ECT2L: variants seen among roughly 807,000 people sequenced by gnomAD.
ECT2L encodes the protein epithelial cell transforming 2 like.
Under a neutral mutation model 122.8 loss-of-function variants are expected in ECT2L, and 126 were observed. That is an observed-to-expected ratio of 1.03 (90% CI 0.89 to 1.19). The LOEUF is 1.19. ECT2L is among the 50% of genes most tolerant of loss of function. ECT2L has a pLI of 0.00. For missense variants in ECT2L, 1,012 were observed against 1,064.1 expected, an observed-to-expected ratio of 0.95 and a Z score of 0.68; for synonymous variants, 385 against 381.8, an observed-to-expected ratio of 1.01 and a Z score of -0.10.
chr6:138,844,837 G>A (rs532812694), intron 7 of ECT2L, among the ~76,000 whole-genome samples: 5 of 133,408 alleles, frequency 3.7e-5, no homozygotes, highest in Admixed American at 8.5e-5. Flanking sequence ...GCCACATTGC[G>A]CAGGCTGGTG....
In ECT2L at chr6:138,900,156, T is replaced by C. The variant is rs372523652; in HGVS notation, c.2415-792T>C. Among the ~76,000 whole-genome samples, 9 of 152,350 alleles carry C rather than the reference T, an allele frequency of 5.9e-5. No individual in the cohort carries two copies. In the South Asian group the frequency reaches 1.7e-3, roughly 28 times the overall value. On this transcript the variant is annotated intron_variant, in intron 20 of 21. Transcript: ENST00000541398. The stretch of plus-strand genomic sequence containing the variant: ...CCAATCAAAAGTAAAAATGTTTATA[T>C]TTACTTCTACATAGTTAAATGCTTT...
At chr6:138,868,266 G>A in intron 13 of ECT2L, 60 bp downstream of exon 13, 1 of 1,468,452 alleles carries the variant, frequency 6.8e-7, no homozygotes, top group Non-Finnish European at 9.4e-7. Context: ...AATTCTGTTT[G>A]CAGTTATTAT....
At chr6:138,881,266 G>A (rs1778637606) in intron 15 of ECT2L, 95 bp downstream of exon 15, 1 of 1,237,886 alleles carries the variant, frequency 8.1e-7, no homozygotes, top group Non-Finnish European at 1.1e-6. Flanking sequence ...GTGCAATGAT[G>A]CTCTGACCCT....
At chr6:138,899,363 G>A (rs901339889) in intron 20 of ECT2L, among the ~76,000 whole-genome samples, 18 of 152,148 alleles carry the variant, frequency 1.2e-4, no homozygotes, top group Non-Finnish European at 1.9e-4. Flanking sequence ...ATTGCTGATT[G>A]AGAAAAGCAA....
At chr6:138,830,592 C>T (rs540068836) in intron 4 of ECT2L, among the ~76,000 whole-genome samples, 81 of 152,274 alleles carry the variant, frequency 5.3e-4, no homozygotes, top group African/African-American at 1.8e-3. Context: ...ATAGCTGCCT[C>T]CAAAGGACTC....
At chr6:138,850,063 A>G (rs762700733) in intron 9 of ECT2L, among the ~76,000 whole-genome samples, 1 of 151,774 alleles carries the variant, frequency 6.6e-6, no homozygotes, top group Non-Finnish European at 1.5e-5. Flanking sequence ...CCTGACAACC[A>G]CCATTCGACT....
In ECT2L at chr6:138,903,232, C is replaced by G. The variant is rs1242530051; in HGVS notation, c.*605C>G. 1 of 152,294 alleles carries G rather than the reference C, an allele frequency of 6.6e-6. No homozygotes were observed. The allele number at this position is 152,294 out of a possible 1,614,324, so 9.4% of individuals were successfully genotyped here. A position where few individuals can be genotyped will look rare whatever the true frequency, so the allele number is the denominator to read the frequency against. The stretch of plus-strand genomic sequence containing the variant: ...ATTAGCCAGGCATGGTGGCACACGC[C>G]TGTAGTCCCTGCTACTTGCGACGCT... On this transcript the variant is annotated 3_prime_UTR_variant, in exon 22 of 22. Coordinates refer to ENST00000541398, the MANE Select transcript of ECT2L (RefSeq NM_001077706.3).
At chr6:138,815,315 G>C (rs568613747) in intron 4 of ECT2L, among the ~76,000 whole-genome samples, 1 of 152,208 alleles carries the variant, frequency 6.6e-6, no homozygotes, top group South Asian at 2.1e-4. Context: ...CCCGTGGCTT[G>C]TTAACCAGCC....
intron 4 of ECT2L, chr6:138,822,786 G>A (rs1776311322): frequency 1.9e-6 from 3 of 1,605,848 alleles, no homozygotes; most frequent in Non-Finnish European, 2.6e-6. Context: ...TTATTATTAT[G>A]AGGAAAATGA....
intron 6 of ECT2L, among the ~76,000 whole-genome samples, chr6:138,844,165 C>T (rs368582179): frequency 2.0e-5 from 3 of 152,144 alleles, no homozygotes; most frequent in African/African-American, 7.2e-5. Flanking sequence ...TAACTGGTCC[C>T]CACTAGAAAA....
In ECT2L at chr6:138,903,581, T is replaced by C. The variant is rs1200277550; in HGVS notation, c.*954T>C. On this transcript the variant is annotated 3_prime_UTR_variant, in exon 22 of 22. Coordinates refer to ENST00000541398, the MANE Select transcript of ECT2L (RefSeq NM_001077706.3). The stretch of plus-strand genomic sequence containing the variant: ...TTTTGACATTGTTAAATTAGAAGGC[T>C]ATTTTTAAAAAGCATATTTTAAAAA... The C allele has an allele frequency of 2.0e-5, 3 of 152,350 alleles. No individual in the cohort carries two copies. Among genetic ancestry groups the C allele is most frequent in the Non-Finnish European group, 4.4e-5 (3 of 68,024 alleles). The allele number at this position is 152,350 out of a possible 1,614,324, so 9.4% of individuals were successfully genotyped here.
rs552594959 is a variant in ECT2L, at chr6:138,890,492, C to CTTTTTTTTTTTTT, written c.2414+1477_2414+1489dup. On this transcript the variant is annotated intron_variant, in intron 20 of 21. Transcript: ENST00000541398. ...TCATGACATTTTTGTTTTCTTTGAT[C>CTTTTTTTTTTTTT]TTTTTTTTTTTTTTTTTTTTTTTTT... is the stretch of plus-strand genomic sequence containing the variant. Among the ~76,000 whole-genome samples, 245 of 78,954 alleles carry CTTTTTTTTTTTTT rather than the reference C, an allele frequency of 3.1e-3. 25 individuals carry two copies. The highest frequency in any genetic ancestry group is 0.011 in the East Asian group (17 of 1,556). 51.8% of individuals were successfully genotyped at this position (78,954 alleles called of 152,430 possible).
intron 1 of ECT2L, among the ~76,000 whole-genome samples, chr6:138,805,073 G>A (rs760718951): frequency 1.4e-4 from 22 of 152,160 alleles, no homozygotes; most frequent in Admixed American, 2.6e-4. Flanking sequence ...AAATGAACCC[G>A]TGCCACATGT....
In ECT2L at chr6:138,871,544, G is replaced by A. The variant is rs559799718; in HGVS notation, c.1578+3338G>A. ...TCCTTGGCCAGGCGCAGTGGCTCACGTCTGTAATCCCAGCCCTTTGGGAGG... is the reference window on the plus strand; with the variant it reads ...TCCTTGGCCAGGCGCAGTGGCTCACATCTGTAATCCCAGCCCTTTGGGAGG... On this transcript the variant is annotated intron_variant, in intron 13 of 21. Transcript: ENST00000541398. Among the ~76,000 whole-genome samples, 8 of 152,254 alleles carry A rather than the reference G, an allele frequency of 5.3e-5. No individual in the cohort carries two copies. In the East Asian group the frequency reaches 7.7e-4, roughly 15 times the overall value.
chr6:138,852,832 T>A (rs1339377921), intron 9 of ECT2L, among the ~76,000 whole-genome samples: 2 of 152,160 alleles, frequency 1.3e-5, no homozygotes, highest in African/African-American at 2.4e-5. Context: ...TTGGCAAGTT[T>A]ATATGATGGG....
intron 5 of ECT2L, among the ~76,000 whole-genome samples, chr6:138,838,939 G>C (rs1320876708): frequency 6.6e-6 from 1 of 151,956 alleles, no homozygotes; most frequent in Non-Finnish European, 1.5e-5. Context: ...GTGCCACCAC[G>C]CCCAGCTAAT....
At chr6:138,826,634 T>C (rs1776462783) in intron 4 of ECT2L, among the ~76,000 whole-genome samples, 1 of 152,006 alleles carries the variant, frequency 6.6e-6, no homozygotes, top group South Asian at 2.1e-4. Context: ...ATTATAGCAC[T>C]CCAGCCTAGG....
At chr6:138,816,856 C>T (rs1353263884) in intron 4 of ECT2L, among the ~76,000 whole-genome samples, 2 of 152,282 alleles carry the variant, frequency 1.3e-5, no homozygotes, top group South Asian at 2.1e-4. Context: ...TCAGTGGTTC[C>T]GGTACATTCA....
intron 3 of ECT2L, 30 bp from the exon 4 acceptor site, chr6:138,814,460 CA>C (rs773288840): frequency 7.1e-7 from 1 of 1,406,124 alleles, no homozygotes; most frequent in South Asian, 1.2e-5. Context: ...AACTGTACAG[CA>C]AATGTCACTT....
Sources: allele counts gnomAD v4.1 joint callset (sites outside exome capture counted in the v4.1 genomes callset), GRCh38; gene constraint gnomAD v4.1.1; transcripts MANE v1.5; gene names NCBI Gene and HGNC (gene_info 2026-07-23, HGNC 2026-07-21).